RAB36: variants seen among roughly 807,000 people sequenced by gnomAD.
The protein encoded by RAB36 is RAB36, member RAS oncogene family.
RAB36 carries 33 observed loss-of-function variants against 39.3 expected under a neutral mutation model. That is an observed-to-expected ratio of 0.84 (90% CI 0.64 to 1.12). The LOEUF is 1.12. Ranked by LOEUF, RAB36 falls within the 50% of genes most tolerant of loss-of-function variation. The pLI is 0.00. For missense variants in RAB36, 308 were observed against 355.3 expected, an observed-to-expected ratio of 0.87 and a Z score of 1.07; for synonymous variants, 133 against 140.2, an observed-to-expected ratio of 0.95 and a Z score of 0.36.
chr22:23,166,482 T>TA (rs527359994), downstream of RAB36, among the ~76,000 whole-genome samples: 188 of 152,252 alleles, frequency 1.2e-3, no homozygotes, highest in African/African-American at 4.5e-3. Flanking sequence ...AACAGCTCCT[T>TA]ACCCTGACCT....
At position 23,145,515 on chromosome 22, in the gene RAB36, A is replaced by T. The variant is rs752245439; in HGVS notation, c.-49A>T. The T allele has an allele frequency of 1.2e-5, 19 of 1,604,864 alleles. No individual in the cohort carries two copies. Among genetic ancestry groups the T allele is most frequent in the Admixed American group, 1.7e-5 (1 of 59,944 alleles). ...TCGCCGCCGCTGGCTCAGGCGGACC[A>T]GGCCGCGCGGAGCCCCAGCTTTCAC... On this transcript the variant is annotated 5_prime_UTR_variant, in exon 1 of 11. Coordinates refer to ENST00000263116, the MANE Select transcript of RAB36 (RefSeq NM_004914.5).
downstream of RAB36, among the ~76,000 whole-genome samples, chr22:23,168,222 G>GC: frequency 6.6e-6 from 1 of 152,236 alleles, no homozygotes; most frequent in Non-Finnish European, 1.5e-5. Flanking sequence ...TGGGGCATAA[G>GC]CCCTGGGTCC....
chr22:23,159,443 T>C (rs2071651923), intron 9 of RAB36, among the ~76,000 whole-genome samples, 190 bp downstream of exon 9: 1 of 152,216 alleles, frequency 6.6e-6, no homozygotes, highest in African/African-American at 2.4e-5. Flanking sequence ...AGGAGCTGCG[T>C]CATCTCTAGA....
rs142316830 is a variant in RAB36 at position 23,146,663 on chromosome 22, G to A, written c.47G>A (p.Arg16His). The change falls in exon 2 of 11, where the codon CGT becomes CAT. Residue 16 changes from arginine (R) to histidine (H), a missense_variant. Coordinates refer to ENST00000263116, the MANE Select transcript of RAB36 (RefSeq NM_004914.5). ...TTGGGGCCCCCTGTGAGCCGCGACC[G>A]TGTCATCGCCAGCTTCCCTAAGGTA... ...TPLGPPVSRD[R>H]VIASFPKWYT... 20 of 1,613,862 alleles carry A rather than the reference G, an allele frequency of 1.2e-5. No individual in the cohort carries two copies. The highest frequency in any genetic ancestry group is 3.3e-5 in the Admixed American group (2 of 60,000).
intron 7 of RAB36, 91 bp downstream of exon 7, chr22:23,158,134 C>G: frequency 1.3e-6 from 2 of 1,568,004 alleles, no homozygotes; most frequent in Admixed American, 3.8e-5. Context: ...GACCCTGACC[C>G]CGTGGTGGGT....
intron 5 of RAB36, 137 bp from the exon 6 acceptor site, chr22:23,155,831 A>G: frequency 1.4e-6 from 1 of 712,088 alleles, no homozygotes; most frequent in Non-Finnish European, 2.2e-6. Context: ...CTGGCTCACA[A>G]CAGGCACTTC....
At position 23,162,644 on chromosome 22, in the gene RAB36, A is replaced by G. The variant is rs1356831543; in HGVS notation, c.*1080A>G. 5 of 456,242 alleles carry G rather than the reference A, an allele frequency of 1.1e-5. No individual in the cohort carries two copies. Among genetic ancestry groups the G allele is most frequent in the South Asian group, 7.7e-5 (5 of 64,554 alleles). The allele number at this position is 456,242 out of a possible 1,614,324, so 28.3% of individuals were successfully genotyped here. On this transcript the variant is annotated 3_prime_UTR_variant, in exon 11 of 11. Transcript: ENST00000263116. Reference sequence around the variant, plus strand: ...GTATGCTCATCCACAGGGTTTTCTCACTGCTATGAACCAGCCCCACAGCCC... The same window carrying G: ...GTATGCTCATCCACAGGGTTTTCTCGCTGCTATGAACCAGCCCCACAGCCC...
chr22:23,165,523 C>G lies in RAB36; in HGVS notation c.*3959C>G, dbSNP rs972707202. The stretch of plus-strand genomic sequence containing the variant: ...AACTGAACAGGTCTCGGGAAGGACA[C>G]TTCATGCCAGCTAGAGAGGCTCTGG... On this transcript the variant is annotated 3_prime_UTR_variant, in exon 11 of 11. Coordinates refer to ENST00000263116, the MANE Select transcript of RAB36 (RefSeq NM_004914.5). Among the ~76,000 whole-genome samples, 2 of 152,248 alleles carry G rather than the reference C, an allele frequency of 1.3e-5. No individual in the cohort carries two copies. The highest frequency in any genetic ancestry group is 6.5e-5 in the Admixed American group (1 of 15,288).
intron 1 of RAB36, chr22:23,145,920 A>T: frequency 1.1e-6 from 1 of 948,782 alleles, no homozygotes; most frequent in Non-Finnish European, 1.3e-6. Flanking sequence ...GCTGAAAGTT[A>T]AGGCCCCCAG....
At chr22:23,152,651 C>T in intron 4 of RAB36, 125 bp downstream of exon 4, 2 of 922,042 alleles carry the variant, frequency 2.2e-6, no homozygotes, top group Non-Finnish European at 3.4e-6. Context: ...TGCTGTGCCT[C>T]AGCCTGCTGG....
At position 23,151,190 on chromosome 22, in the gene RAB36, G is replaced by A. The variant is rs184989298; in HGVS notation, c.161+1036G>A. Among the ~76,000 whole-genome samples the A allele has an allele frequency of 2.0e-4, 30 of 152,342 alleles. No individual in the cohort carries two copies. In the East Asian group the frequency reaches 2.7e-3, roughly 14 times the overall value. Reference sequence around the variant, plus strand: ...AGGCAGAGCTGAGATCAGAATAGCCGAAGTGGCCATGGTGGTGGGATGAGA... The same window carrying A: ...AGGCAGAGCTGAGATCAGAATAGCCAAAGTGGCCATGGTGGTGGGATGAGA... On this transcript the variant is annotated intron_variant, in intron 3 of 10. Coordinates refer to ENST00000263116, the MANE Select transcript of RAB36 (RefSeq NM_004914.5).
At position 23,165,437 on chromosome 22, in the gene RAB36, G is replaced by A. The variant is rs1047904914; in HGVS notation, c.*3873G>A. Among the ~76,000 whole-genome samples, 2 of 152,196 alleles carry A rather than the reference G, an allele frequency of 1.3e-5. No individual in the cohort carries two copies. The highest frequency in any genetic ancestry group is 6.5e-5 in the Admixed American group (1 of 15,276). ...CCAGTGAAGGCGGTTTGGGGCTGGA[G>A]GATATGTTCTGATCTTGGGAAGAGC... On this transcript the variant is annotated 3_prime_UTR_variant, in exon 11 of 11. Coordinates refer to ENST00000263116, the MANE Select transcript of RAB36 (RefSeq NM_004914.5).
intron 5 of RAB36, among the ~76,000 whole-genome samples, chr22:23,155,485 A>T (rs1189485475): frequency 6.6e-6 from 1 of 152,102 alleles, no homozygotes; most frequent in Admixed American, 6.5e-5. Context: ...GGTATCTCCA[A>T]CTCCTACTTT....
chr22:23,166,347 T>C (rs148866111), downstream of RAB36, among the ~76,000 whole-genome samples: 1 of 56,614 alleles, frequency 1.8e-5, no homozygotes, highest in East Asian at 6.2e-4. Flanking sequence ...TCTGATGCAT[T>C]GGGGGCCAAT....
chr22:23,162,622 T>C lies in RAB36; in HGVS notation c.*1058T>C. 1 of 456,304 alleles carries C rather than the reference T, an allele frequency of 2.2e-6. No individual in the cohort carries two copies. 28.3% of individuals were successfully genotyped at this position (456,304 alleles called of 1,614,324 possible). ...CATTCCCCAGCCTCTCTGCCCAGTA[T>C]GCTCATCCACAGGGTTTTCTCACTG... On this transcript the variant is annotated 3_prime_UTR_variant, in exon 11 of 11. Transcript: ENST00000263116.
rs1415308120 is a variant in RAB36, at chr22:23,162,800, G to A, written c.*1236G>A. 4.4e-6 allele frequency: 2 copies of A among 454,248 alleles called. No individual in the cohort carries two copies. Among genetic ancestry groups the A allele is most frequent in the Admixed American group, 4.7e-5 (2 of 42,538 alleles). The allele number at this position is 454,248 out of a possible 1,614,324, so 28.1% of individuals were successfully genotyped here. Reference sequence around the variant, plus strand: ...TCCTAGGGCCTGGCACACTGCAGCTGCCCTGTAAATGTTCAGCTCAGCGAT... The same window carrying A: ...TCCTAGGGCCTGGCACACTGCAGCTACCCTGTAAATGTTCAGCTCAGCGAT... On this transcript the variant is annotated 3_prime_UTR_variant, in exon 11 of 11. Transcript: ENST00000263116.
chr22:23,149,093 AG>A (rs1243731373), intron 2 of RAB36, among the ~76,000 whole-genome samples: 1 of 152,028 alleles, frequency 6.6e-6, no homozygotes, highest in Non-Finnish European at 1.5e-5. Context: ...CAGATGGGCC[AG>A]GCAGAGCCCG....
intron 5 of RAB36, among the ~76,000 whole-genome samples, chr22:23,153,335 C>T (rs879792312): frequency 1.3e-5 from 2 of 152,158 alleles, no homozygotes; most frequent in African/African-American, 2.4e-5. Flanking sequence ...TCATTTTGGT[C>T]ATTGGCTCTG....
Position 23,157,445 on chromosome 22 carries a change from G to A in RAB36, c.395-547G>A, listed in dbSNP as rs146466395. ...TTTTTGTGTGTGTGTATTTTTAGTA[G>A]AGACGGGGTTTCACTGTGTTAGCCA... is the stretch of plus-strand genomic sequence containing the variant. On this transcript the variant is annotated intron_variant, in intron 6 of 10. Transcript: ENST00000263116. Among the ~76,000 whole-genome samples, 275 of 152,154 alleles carry A rather than the reference G, an allele frequency of 1.8e-3. 3 individuals carry two copies. Among genetic ancestry groups the A allele is most frequent in the African/African-American group, 6.5e-3 (269 of 41,488 alleles).
Sources: gnomAD v4.1 joint callset for allele counts (sites outside exome capture counted in the v4.1 genomes callset) on GRCh38, gnomAD v4.1.1 for gene constraint, MANE v1.5 for transcripts, NCBI Gene and HGNC (gene_info 2026-07-23, HGNC 2026-07-21) for gene names.